NRG1: variants seen among roughly 807,000 people sequenced by gnomAD.
The protein encoded by NRG1 is pro-neuregulin-1, membrane-bound isoform.
A neutral mutation model predicts 63.8 loss-of-function variants in NRG1; 18 were observed. That is an observed-to-expected ratio of 0.28 (90% CI 0.19 to 0.42). The LOEUF (loss-of-function observed/expected upper bound fraction) is 0.42, where lower values mean the gene tolerates loss of function less well. Ranked by LOEUF, NRG1 falls within the 10% of genes least tolerant of loss-of-function variation. The pLI is 1.00. For missense variants in NRG1, 762 were observed against 814.7 expected (o/e 0.94, Z 0.79); for synonymous variants, 302 against 301.3 (o/e 1.00, Z -0.02).
intron 1 of NRG1, among the ~76,000 whole-genome samples, chr8:31,642,206 G>C (rs541744916): frequency 6.6e-6 from 1 of 152,106 alleles, no homozygotes; most frequent in African/African-American, 2.4e-5. Context: ...CAGCACCATC[G>C]TACTGCAGCA....
intron 1 of NRG1, among the ~76,000 whole-genome samples, chr8:32,148,285 G>T (rs1287575354): frequency 6.6e-6 from 1 of 152,128 alleles, no homozygotes; most frequent in Non-Finnish European, 1.5e-5. Context: ...ACACAATCAG[G>T]CCCTAGGACC....
chr8:31,932,436 G>T (rs533471054), intron 1 of NRG1, among the ~76,000 whole-genome samples: 2 of 152,172 alleles, frequency 1.3e-5, no homozygotes, highest in Admixed American at 6.5e-5. Flanking sequence ...GCAAGGAGTT[G>T]GTTGAATCCT....
intron 11 of NRG1, chr8:32,760,882 C>T (rs1279002489): frequency 1.3e-5 from 13 of 997,344 alleles, no homozygotes; most frequent in Non-Finnish European, 1.6e-5. Flanking sequence ...AAATCAAGGG[C>T]TATGTCATTG....
intron 1 of NRG1, among the ~76,000 whole-genome samples, chr8:32,120,253 A>G (rs960013607): frequency 6.6e-6 from 1 of 152,126 alleles, no homozygotes; most frequent in African/African-American, 2.4e-5. Context: ...GAAAACTTTC[A>G]AATTTATACT....
At chr8:32,606,418 T>C (rs1231682561) in intron 3 of NRG1, among the ~76,000 whole-genome samples, 1 of 152,024 alleles carries the variant, frequency 6.6e-6, no homozygotes, top group African/African-American at 2.4e-5. Flanking sequence ...TTCAGAATAG[T>C]ACCAGGCAAT....
At chr8:31,687,531 T>C (rs953645846) in intron 1 of NRG1, among the ~76,000 whole-genome samples, 6 of 152,234 alleles carry the variant, frequency 3.9e-5, no homozygotes, top group African/African-American at 1.4e-4. Flanking sequence ...CATCCTTGAT[T>C]TTATTTCTGA....
intron 1 of NRG1, among the ~76,000 whole-genome samples, chr8:32,081,450 G>T (rs993553482): frequency 2.0e-5 from 3 of 152,144 alleles, no homozygotes; most frequent in Admixed American, 6.6e-5. Flanking sequence ...AGAATAGAAT[G>T]AGAGTTGGGG....
At chr8:31,697,035 G>T (rs1023243716) in intron 1 of NRG1, among the ~76,000 whole-genome samples, 3 of 152,172 alleles carry the variant, frequency 2.0e-5, no homozygotes, top group Non-Finnish European at 4.4e-5. Context: ...CGTTGACTTT[G>T]TGCTGTGGAT....
chr8:31,767,646 C>T (rs1201228162), intron 1 of NRG1, among the ~76,000 whole-genome samples: 1 of 152,030 alleles, frequency 6.6e-6, no homozygotes, highest in Admixed American at 6.6e-5. Context: ...TCCAGACCAG[C>T]TTTCCCAACA....
chr8:32,258,318 A>G (rs191576657), intron 1 of NRG1, among the ~76,000 whole-genome samples: 184 of 152,354 alleles, frequency 1.2e-3, no homozygotes, highest in African/African-American at 4.0e-3. Flanking sequence ...GATAACAATG[A>G]TAACAGCTGA....
intron 1 of NRG1, among the ~76,000 whole-genome samples, chr8:31,739,973 A>G (rs1815096118): frequency 6.6e-6 from 1 of 152,082 alleles, no homozygotes; most frequent in Non-Finnish European, 1.5e-5. Flanking sequence ...TGACCAGGCT[A>G]TCATTCTTAA....
chr8:32,759,242 T>C, intron 9 of NRG1, 64 bp from the exon 10 acceptor site: 1 of 1,553,160 alleles, frequency 6.4e-7, no homozygotes, highest in South Asian at 1.2e-5. Flanking sequence ...TACATGACAA[T>C]ATTAGTGCTT....
At chr8:31,721,820 C>T (rs1358235028) in intron 1 of NRG1, among the ~76,000 whole-genome samples, 3 of 152,042 alleles carry the variant, frequency 2.0e-5, no homozygotes, top group East Asian at 1.9e-4. Flanking sequence ...TCCAGGTTAT[C>T]GCAAGAAATT....
intron 1 of NRG1, among the ~76,000 whole-genome samples, chr8:31,769,093 T>C (rs1370934891): frequency 6.6e-6 from 1 of 152,194 alleles, no homozygotes; most frequent in East Asian, 1.9e-4. Flanking sequence ...TTTCTCAACA[T>C]TTTGCCAATT....
chr8:32,699,511 G>T (rs1018791494), intron 5 of NRG1, among the ~76,000 whole-genome samples: 2 of 152,206 alleles, frequency 1.3e-5, no homozygotes, highest in African/African-American at 4.8e-5. Flanking sequence ...TGTGACAGTT[G>T]TCCAGTTGTG....
chr8:32,347,540 GTAATGAAAGTA>G (rs1209223860), intron 1 of NRG1, among the ~76,000 whole-genome samples: 1 of 152,138 alleles, frequency 6.6e-6, no homozygotes, highest in Admixed American at 6.5e-5. Context: ...ACCTCATATA[GTAATGAAAGTA>G]TAATCAGTTC....
intron 1 of NRG1, among the ~76,000 whole-genome samples, chr8:32,153,516 G>C (rs1296750433): frequency 1.3e-5 from 2 of 152,196 alleles, no homozygotes; most frequent in Admixed American, 1.3e-4. Context: ...TGCAAAGAAA[G>C]TATGTATTAA....
At chr8:32,366,711 A>ATC (rs1554519456) in intron 1 of NRG1, among the ~76,000 whole-genome samples, 12 of 81,736 alleles carry the variant, frequency 1.5e-4, no homozygotes, top group African/African-American at 5.3e-4. Flanking sequence ...ATATATATAT[A>ATC]TATCTCACTT....
At position 32,160,295 on chromosome 8, in the gene NRG1, A is replaced by G. The variant is rs569720142; in HGVS notation, c.38-435533A>G. Among the ~76,000 whole-genome samples, 45 of 152,374 alleles carry G rather than the reference A, an allele frequency of 3.0e-4. No individual in the cohort carries two copies. In the South Asian group the frequency reaches 9.1e-3, roughly 31 times the overall value. On this transcript the variant is annotated intron_variant, in intron 1 of 10. Coordinates refer to the NRG1 transcript ENST00000519301. ...GGTTGAATGATTGAGAATATTTGAT[A>G]TTTGATATTGATTGATAATTGATGA...
Sources: gnomAD v4.1 joint callset for allele counts (sites outside exome capture counted in the v4.1 genomes callset) on GRCh38, gnomAD v4.1.1 for gene constraint, MANE v1.5 for transcripts, NCBI Gene and HGNC (gene_info 2026-07-23, HGNC 2026-07-21) for gene names.